The following TMEM87A variants were observed in gnomAD, a reference collection of about 807,000 sequenced individuals.
TMEM87A encodes Golgi-pH regulating cation channel.
Under a neutral mutation model 90.0 loss-of-function variants are expected in TMEM87A, and 50 were observed. That is an observed-to-expected ratio of 0.56 (90% CI 0.44 to 0.70). The LOEUF (loss-of-function observed/expected upper bound fraction) is 0.70. TMEM87A is among the 30% of genes least tolerant of loss of function. The probability of loss-of-function intolerance (pLI) is 0.00; values close to 1 mark genes in which losing one functional copy is unlikely to be tolerated. For missense variants in TMEM87A, 577 were observed against 660.5 expected (o/e 0.87, Z 1.39); for synonymous variants, 226 against 226.7 (o/e 1.00, Z 0.03).
At chr15:42,250,929 T>G (rs2412675) in intron 6 of TMEM87A, among the ~76,000 whole-genome samples, 146,460 of 152,234 alleles carry the variant, frequency 0.96, 70,652 homozygotes, top group Non-Finnish European at 1. Context: ...TGCAGGCTTT[T>G]TTCATTTCTT....
chr15:42,258,103 T>C, intron 6 of TMEM87A: 1 of 978,446 alleles, frequency 1.0e-6, no homozygotes, highest in Non-Finnish European at 1.2e-6. Flanking sequence ...TCATAAAAGT[T>C]CAAGAACAGA....
At chr15:42,253,232 A>G (rs1285714681) in intron 6 of TMEM87A, among the ~76,000 whole-genome samples, 1 of 152,222 alleles carries the variant, frequency 6.6e-6, no homozygotes, top group East Asian at 1.9e-4. Context: ...ATGAAAGCTT[A>G]GGGTCATCTA....
intron 8 of TMEM87A, among the ~76,000 whole-genome samples, chr15:42,239,082 C>T (rs1000490497): frequency 3.3e-5 from 5 of 152,086 alleles, no homozygotes; most frequent in African/African-American, 1.2e-4. Flanking sequence ...TTCACTCTGT[C>T]GCCCAGGCTG....
intron 6 of TMEM87A, among the ~76,000 whole-genome samples, chr15:42,245,969 A>G (rs1278749819): frequency 6.6e-6 from 1 of 152,272 alleles, no homozygotes; most frequent in African/African-American, 2.4e-5. Flanking sequence ...TACAAGCACA[A>G]TGATGTGCAA....
intron 3 of TMEM87A, among the ~76,000 whole-genome samples, chr15:42,264,993 G>A (rs1034864020): frequency 6.6e-6 from 1 of 152,026 alleles, no homozygotes; most frequent in African/African-American, 2.4e-5. Context: ...AAGGTTAATG[G>A]CCTCCAGCTC....
Position 42,211,483 on chromosome 15 carries a change from T to G in TMEM87A, c.*225A>C. Reference sequence around the variant, plus strand: ...AGTCTGGGAGGAAAGGGGGCAGCAGTGTTGTAAATAAGAAGCTCGTAGATT... The same window carrying G: ...AGTCTGGGAGGAAAGGGGGCAGCAGGGTTGTAAATAAGAAGCTCGTAGATT... On this transcript the variant is annotated 3_prime_UTR_variant, in exon 20 of 20. Coordinates refer to ENST00000389834, the MANE Select transcript of TMEM87A (RefSeq NM_015497.5). 1 of 466,836 alleles carries G rather than the reference T, an allele frequency of 2.1e-6. No individual in the cohort carries two copies. The highest frequency in any genetic ancestry group is 4.0e-5 in the South Asian group (1 of 25,206). 28.9% of individuals were successfully genotyped at this position (466,836 alleles called of 1,614,324 possible).
At chr15:42,227,477 A>G (rs977122462) in intron 14 of TMEM87A, 1 of 423,824 alleles carries the variant, frequency 2.4e-6, no homozygotes, top group Non-Finnish European at 4.3e-6. Context: ...AACTTACAAA[A>G]TTCTCTCCCA....
chr15:42,212,041 G>C (rs948332029), intron 19 of TMEM87A, among the ~76,000 whole-genome samples: 3 of 152,068 alleles, frequency 2.0e-5, no homozygotes, highest in Non-Finnish European at 4.4e-5. Flanking sequence ...CATAAGATTA[G>C]GCTTTAATAA....
chr15:42,250,271 A>T (rs1056801969), intron 6 of TMEM87A, among the ~76,000 whole-genome samples: 1 of 152,176 alleles, frequency 6.6e-6, no homozygotes, highest in Non-Finnish European at 1.5e-5. Context: ...TCTACATTTA[A>T]GGTTAATATT....
At chr15:42,230,988 C>A (rs1371388863) in intron 12 of TMEM87A, among the ~76,000 whole-genome samples, 1 of 152,080 alleles carries the variant, frequency 6.6e-6, no homozygotes, top group Non-Finnish European at 1.5e-5. Flanking sequence ...CACCAATTTC[C>A]AATTTGATTT....
At chr15:42,223,206 A>G (rs1043051783) in intron 15 of TMEM87A, among the ~76,000 whole-genome samples, 1 of 152,208 alleles carries the variant, frequency 6.6e-6, no homozygotes, top group Non-Finnish European at 1.5e-5. Context: ...AAGCCTGGGC[A>G]ACATGGCAAA....
intron 6 of TMEM87A, among the ~76,000 whole-genome samples, chr15:42,255,603 GCTCTAAACAATAAA>G (rs2051162780): frequency 6.6e-6 from 1 of 152,058 alleles, no homozygotes. Context: ...ACCTAAAACT[GCTCTAAACAATAAA>G]CTCTATTAAT....
chr15:42,252,958 G>C (rs1566936831), intron 6 of TMEM87A, among the ~76,000 whole-genome samples: 2 of 152,150 alleles, frequency 1.3e-5, no homozygotes, highest in South Asian at 2.1e-4. Flanking sequence ...AATAATATGG[G>C]TTATGTCTCT....
At chr15:42,254,063 T>C (rs74388606) in intron 6 of TMEM87A, among the ~76,000 whole-genome samples, 1 of 151,998 alleles carries the variant, frequency 6.6e-6, no homozygotes, top group Admixed American at 6.6e-5. Flanking sequence ...TTTTTTTTTT[T>C]CTCTTTTTCA....
intron 1 of TMEM87A, chr15:42,273,032 T>A (rs563586562): frequency 1.5e-6 from 1 of 673,504 alleles, no homozygotes; most frequent in East Asian, 2.8e-5. Context: ...CCACCACTCC[T>A]TTCTGTTGCT....
intron 13 of TMEM87A, among the ~76,000 whole-genome samples, 178 bp downstream of exon 13, chr15:42,228,534 T>C (rs1390591447): frequency 6.6e-6 from 1 of 152,174 alleles, no homozygotes; most frequent in Non-Finnish European, 1.5e-5. Flanking sequence ...GTACATAAAA[T>C]AAATGGTTCT....
intron 19 of TMEM87A, 62 bp downstream of exon 19, chr15:42,217,741 G>T (rs866303123): frequency 2.0e-6 from 3 of 1,511,396 alleles, no homozygotes; most frequent in African/African-American, 2.8e-5. Context: ...ATGAACAGAC[G>T]ATTCATGACT....
chr15:42,265,779 A>G (rs1419320298), intron 3 of TMEM87A, among the ~76,000 whole-genome samples: 2 of 152,172 alleles, frequency 1.3e-5, no homozygotes, highest in Non-Finnish European at 2.9e-5. Flanking sequence ...TCATCATGAA[A>G]TCTTTGCCAC....
rs762506591 is a variant in TMEM87A at position 42,273,115 on chromosome 15, A to T, written c.144+140T>A. ...TTTCCACTCCAGGGAGGTGGGTCCC[A>T]GTTGGCTAGCCACACAGACCATCCC... On this transcript the variant is annotated intron_variant, in intron 1 of 19. Transcript: ENST00000389834. 239 of 1,074,138 alleles carry T rather than the reference A, an allele frequency of 2.2e-4. 1 individual carries two copies. Among genetic ancestry groups the T allele is most frequent in the Non-Finnish European group, 3.0e-4 (220 of 745,668 alleles). 66.5% of individuals were successfully genotyped at this position (1,074,138 alleles called of 1,614,324 possible).
Sources: allele counts gnomAD v4.1 joint callset (sites outside exome capture counted in the v4.1 genomes callset), GRCh38; gene constraint gnomAD v4.1.1; transcripts MANE v1.5; gene names NCBI Gene and HGNC (gene_info 2026-07-23, HGNC 2026-07-21).